DPPA4: variants seen among roughly 807,000 people sequenced by gnomAD.
The protein encoded by DPPA4 is developmental pluripotency-associated protein 4.
In DPPA4, 22 loss-of-function variants were observed where a neutral mutation model predicts 33.7. The ratio of observed to expected loss-of-function variants is 0.65; its 90% CI spans 0.47 to 0.93. The LOEUF is 0.93. DPPA4 is among the 40% of genes least tolerant of loss of function. The probability of loss-of-function intolerance (pLI) is 0.00; values close to 1 mark genes in which losing one functional copy is unlikely to be tolerated. For missense variants in DPPA4, 340 were observed against 358.6 expected, an observed-to-expected ratio of 0.95 and a Z score of 0.42; for synonymous variants, 156 against 132.3, an observed-to-expected ratio of 1.18 and a Z score of -1.23.
upstream of DPPA4, among the ~76,000 whole-genome samples, chr3:109,339,096 CAGG>C (rs1559712693): frequency 6.7e-6 from 1 of 148,706 alleles, no homozygotes; most frequent in Non-Finnish European, 1.5e-5. Flanking sequence ...GAGGTTGAGG[CAGG>C]AGAATTGCTT....
rs71129042 is a variant in DPPA4 at position 109,330,300 on chromosome 3, C to CAAAAAAA, written c.679+217_679+223dup. On this transcript the variant is annotated intron_variant, in intron 5 of 6. Coordinates refer to ENST00000335658, the MANE Select transcript of DPPA4 (RefSeq NM_018189.4). ...CTGGGCAACAAGGGAGAAACTGTCT[C>CAAAAAAA]AAAAAAAAAAAAAAAAAAAAAAAAA... The CAAAAAAA allele has an allele frequency of 5.8e-4, 201 of 348,886 alleles. 2 individuals carry two copies. In the African/African-American group the frequency reaches 6.3e-3, roughly 11 times the overall value. The allele number at this position is 348,886 out of a possible 1,614,324, so 21.6% of individuals were successfully genotyped here. A position where few individuals can be genotyped will look rare whatever the true frequency, so the allele number is the denominator to read the frequency against.
chr3:109,337,341 AAAAGTC>A, intron 1 of DPPA4, 117 bp downstream of exon 1: 3 of 817,624 alleles, frequency 3.7e-6, no homozygotes. Context: ...TAAAAAAAAA[AAAAGTC>A]AAGAGGAGAA....
At chr3:109,335,460 G>A (rs991906068) in intron 1 of DPPA4, among the ~76,000 whole-genome samples, 2 of 152,112 alleles carry the variant, frequency 1.3e-5, no homozygotes, top group African/African-American at 2.4e-5. Flanking sequence ...GAGGAGTCTC[G>A]CTCTGTCACC....
chr3:109,331,590 A>C, intron 4 of DPPA4, 144 bp downstream of exon 4: 1 of 521,876 alleles, frequency 1.9e-6, no homozygotes, highest in Non-Finnish European at 3.4e-6. Flanking sequence ...GAAAAAAAAG[A>C]GAAGTAGAGA....
chr3:109,331,260 C>CAAAAAAAAAAAAAAAAAAAAAA (rs10593582), intron 4 of DPPA4, among the ~76,000 whole-genome samples: 6 of 58,408 alleles, frequency 1.0e-4, no homozygotes, highest in South Asian at 9.2e-4. Context: ...GACTCTGTCT[C>CAAAAAAAAAAAAAAAAAAAAAA]AAAAAAAAAA....
At chr3:109,330,881 C>T (rs2107343302) in intron 4 of DPPA4, 69 bp from the exon 5 acceptor site, 1 of 544,500 alleles carries the variant, frequency 1.8e-6, no homozygotes, top group Non-Finnish European at 2.4e-6. Context: ...GCCTAAGGAG[C>T]TCTTGATCAA....
upstream of DPPA4, among the ~76,000 whole-genome samples, chr3:109,338,902 G>A (rs1708260807): frequency 6.6e-6 from 1 of 152,004 alleles, no homozygotes; most frequent in South Asian, 2.1e-4. Flanking sequence ...AGAATAACTG[G>A]AGTTCTGGGC....
At chr3:109,328,238 AG>A (rs1707979067) in intron 6 of DPPA4, among the ~76,000 whole-genome samples, 3 of 152,158 alleles carry the variant, frequency 2.0e-5, no homozygotes, top group Non-Finnish European at 1.5e-5. Context: ...CATGGACAGG[AG>A]GCCTTGGAGG....
Position 109,332,739 on chromosome 3 carries a change from T to C in DPPA4, c.179-708A>G, listed in dbSNP as rs117025766. On this transcript the variant is annotated intron_variant, in intron 2 of 6. Coordinates refer to ENST00000335658, the MANE Select transcript of DPPA4 (RefSeq NM_018189.4). Reference sequence around the variant, plus strand: ...TGGTTTCATAGCAGGTATGTTTCCTTAGCTCTGCTGTGTTTCTGTTCATCC... The same window carrying C: ...TGGTTTCATAGCAGGTATGTTTCCTCAGCTCTGCTGTGTTTCTGTTCATCC... Among the ~76,000 whole-genome samples the C allele has an allele frequency of 6.4e-3, 972 of 152,284 alleles. 50 individuals carry two copies. The East Asian group carries it at 0.11, about 17-fold the overall frequency.
chr3:109,330,597 C>G lies in DPPA4; in HGVS notation c.606G>C (p.Leu202Phe). The change falls in exon 5 of 7, where the codon TTG becomes TTC. Residue 202 changes from leucine (L) to phenylalanine (F), a missense_variant. Leu to Phe is a conservative substitution (Grantham distance 22). Coordinates refer to ENST00000335658, the MANE Select transcript of DPPA4 (RefSeq NM_018189.4). ...VVVTTSAPEA[L>F]LASWARISAR... ...CTGAAATTCTCGCCCAGGAGGCCAG[C>G]AAAGCCTCTGGGGCAGAAGTTGTCA... is the stretch of plus-strand genomic sequence containing the variant. 6.2e-7 allele frequency: 1 copy of G among 1,614,134 alleles called. No homozygotes were observed. Among genetic ancestry groups the G allele is most frequent in the Non-Finnish European group, 8.5e-7 (1 of 1,180,030 alleles).
In DPPA4 at chr3:109,330,678, C is replaced by G. The variant is rs1217549059; in HGVS notation, c.525G>C (p.Glu175Asp). The G allele has an allele frequency of 7.4e-6, 12 of 1,614,158 alleles. No homozygotes were observed. The highest frequency in any genetic ancestry group is 9.3e-6 in the Non-Finnish European group (11 of 1,180,018). The change falls in exon 5 of 7, where the codon GAG becomes GAC. Residue 175 changes from glutamate (E) to aspartate (D), a missense_variant. By Grantham distance (45) the Glu-to-Asp change is conservative. Coordinates refer to ENST00000335658, the MANE Select transcript of DPPA4 (RefSeq NM_018189.4). ...PPEVALPPVG[E>D]PPALENSTAL... ...CAGTGGAATTTTCCAGGGCAGGCGG[C>G]TCCCCCACAGGAGGAAGAGCCACTT...
Position 109,333,876 on chromosome 3 carries a change from T to C in DPPA4, c.172A>G (p.Ser58Gly), listed in dbSNP as rs1320814199. The C allele has an allele frequency of 6.2e-7, 1 of 1,614,096 alleles. No individual in the cohort carries two copies. Among genetic ancestry groups the C allele is most frequent in the Non-Finnish European group, 8.5e-7 (1 of 1,179,962 alleles). The change falls in exon 2 of 7, where the codon AGT (serine) becomes GGT (glycine). Residue 58 changes from serine (S) to glycine (G), a missense_variant. This residue lies in a region of DPPA4 where 96 missense variants were observed against 91.8 expected (regional missense o/e 1.05). Transcript: ENST00000335658. The part of the protein sequence containing the change: ...RTKEKMSIKG[S>G]KVLCPKKKAE... Reference sequence around the variant, plus strand: ...GAATTTGAAGACCTCTTACCTTTACTGCCTTTGATAGACATTTTTTCTTTG... The same window carrying C: ...GAATTTGAAGACCTCTTACCTTTACCGCCTTTGATAGACATTTTTTCTTTG...
chr3:109,339,219 A>G (rs1338757322), upstream of DPPA4, among the ~76,000 whole-genome samples: 1 of 152,022 alleles, frequency 6.6e-6, no homozygotes, highest in East Asian at 1.9e-4. Flanking sequence ...AAAATAAAAC[A>G]TAAAAACACA....
rs140215537 is a variant in DPPA4, at chr3:109,328,360, T to C, written c.879-336A>G. 4.6e-5 allele frequency among the ~76,000 whole-genome samples: 7 copies of C among 152,000 alleles called. No homozygotes were observed. The East Asian group carries it at 1.4e-3, about 29-fold the overall frequency. ...TGGCATAGAGAGATTATCAAAACAC[T>C]CACAGCAAAAAGTAGGATATCCCAA... is the stretch of plus-strand genomic sequence containing the variant. On this transcript the variant is annotated intron_variant, in intron 6 of 6. Coordinates refer to ENST00000335658, the MANE Select transcript of DPPA4 (RefSeq NM_018189.4).
At position 109,337,468 on chromosome 3, in the gene DPPA4, T is replaced by C. The variant is rs1408342121; in HGVS notation, c.50A>G (p.Lys17Arg). Residue 17 changes from lysine (K) to arginine (R), a missense_variant, in exon 1 of 7, where the codon AAG (lysine) becomes AGG (arginine). Transcript: ENST00000335658. ...ATCCACTAAAACTGTACTGACCTCC[T>C]TGCCTTTTGCCTTCTCCATACTTGT... ...SSTSMEKAKG[K>R]EWTSTEKSRE... The C allele has an allele frequency of 1.9e-6, 3 of 1,614,044 alleles. No individual in the cohort carries two copies. Among genetic ancestry groups the C allele is most frequent in the South Asian group, 1.1e-5 (1 of 91,078 alleles).
In DPPA4 at chr3:109,337,491, T is replaced by C; in HGVS notation, c.27A>G (p.Thr9=). MLRGSASS[T]SMEKAKGKEW... ...CCTTGCCTTTTGCCTTCTCCATACT[T>C]GTAGAAGAAGCGGAGCCTCGCAACA... Residue 9 remains threonine, a synonymous_variant, in exon 1 of 7, where the codon ACA becomes ACG. Transcript: ENST00000335658. The C allele has an allele frequency of 6.2e-7, 1 of 1,614,110 alleles. No individual in the cohort carries two copies.
intron 4 of DPPA4, among the ~76,000 whole-genome samples, chr3:109,331,075 C>T (rs373849745): frequency 1.9e-4 from 28 of 148,328 alleles, no homozygotes; most frequent in African/African-American, 6.5e-4. Context: ...GTCAGGAGTT[C>T]GAGACCAGCC....
At chr3:109,334,595 T>G (rs1440886196) in intron 1 of DPPA4, among the ~76,000 whole-genome samples, 1 of 152,072 alleles carries the variant, frequency 6.6e-6, no homozygotes, top group Non-Finnish European at 1.5e-5. Flanking sequence ...CTGGCAGAAT[T>G]TTTTCCCCCA....
At chr3:109,335,572 C>T (rs902855195) in intron 1 of DPPA4, among the ~76,000 whole-genome samples, 7 of 151,978 alleles carry the variant, frequency 4.6e-5, no homozygotes, top group Non-Finnish European at 8.8e-5. Context: ...GAATTACAGG[C>T]GCCTGCCACC....
Sources: allele counts gnomAD v4.1 joint callset (sites outside exome capture counted in the v4.1 genomes callset), GRCh38; gene constraint gnomAD v4.1.1; regional missense constraint gnomAD v4.1.1; transcripts MANE v1.5; gene names NCBI Gene and HGNC (gene_info 2026-07-23, HGNC 2026-07-21).